Variants in OPN3 observed in about 807,000 individuals in gnomAD.
OPN3 encodes opsin-3.
A neutral mutation model predicts 33.8 loss-of-function variants in OPN3; 29 were observed. The ratio of observed to expected loss-of-function variants is 0.86; its 90% confidence interval spans 0.64 to 1.17. OPN3 has a LOEUF of 1.17. Ranked by LOEUF, OPN3 falls within the 50% of genes most tolerant of loss-of-function variation. OPN3 has a pLI of 0.00. For synonymous variants in OPN3, 216 were observed against 216.1 expected, an observed-to-expected ratio of 1.00 and a Z score of 0.00; for missense variants, 437 against 514.1, an observed-to-expected ratio of 0.85 and a Z score of 1.45.
chr1:241,637,274 A>G (rs1477073419), intron 1 of OPN3, among the ~76,000 whole-genome samples: 1 of 152,214 alleles, frequency 6.6e-6, no homozygotes, highest in Non-Finnish European at 1.5e-5. Flanking sequence ...ATTCAATTGG[A>G]ACTTAGATTA....
intron 1 of OPN3, among the ~76,000 whole-genome samples, chr1:241,619,164 A>G (rs757470525): frequency 2.0e-5 from 3 of 152,140 alleles, no homozygotes; most frequent in Non-Finnish European, 4.4e-5. Context: ...GTTGTTTCAT[A>G]CTGGGCTCTA....
At chr1:241,634,728 A>C (rs769171226) in intron 1 of OPN3, 1 of 1,613,992 alleles carries the variant, frequency 6.2e-7, no homozygotes, top group South Asian at 1.1e-5. Context: ...GATGATTCTG[A>C]TGTCATTGCA....
chr1:241,619,406 T>C (rs1342380398), intron 1 of OPN3, among the ~76,000 whole-genome samples: 1 of 152,210 alleles, frequency 6.6e-6, no homozygotes, highest in Non-Finnish European at 1.5e-5. Flanking sequence ...TTTTCTAGCT[T>C]ATACAGGCAG....
chr1:241,635,706 A>G, intron 1 of OPN3: 1 of 1,614,028 alleles, frequency 6.2e-7, no homozygotes, highest in Non-Finnish European at 8.5e-7. Context: ...GCAAGGATGG[A>G]TTCGGGCAAA....
At chr1:241,622,990 A>G (rs1664309552) in intron 1 of OPN3, among the ~76,000 whole-genome samples, 1 of 152,120 alleles carries the variant, frequency 6.6e-6, no homozygotes, top group Admixed American at 6.5e-5. Context: ...CTGGCAATCA[A>G]AGTACTGGCA....
At chr1:241,625,183 A>G (rs562850967) in intron 1 of OPN3, among the ~76,000 whole-genome samples, 1 of 152,326 alleles carries the variant, frequency 6.6e-6, no homozygotes, top group South Asian at 2.1e-4. Flanking sequence ...GCAATTAAGT[A>G]TTTTCTATAG....
At chr1:241,630,126 G>C (rs1018969567) in intron 1 of OPN3, 1 of 151,956 alleles carries the variant, frequency 6.6e-6, no homozygotes, top group Non-Finnish European at 1.5e-5. Context: ...ATAATTCTGT[G>C]AAGTATTTCT....
At chr1:241,598,490 T>C (rs1663597471) in intron 2 of OPN3, among the ~76,000 whole-genome samples, 1 of 152,200 alleles carries the variant, frequency 6.6e-6, no homozygotes, top group South Asian at 2.1e-4. Flanking sequence ...CCCAAGTGAA[T>C]TCTTACTGAA....
At chr1:241,614,487 C>T (rs574074072) in intron 1 of OPN3, among the ~76,000 whole-genome samples, 2 of 152,282 alleles carry the variant, frequency 1.3e-5, no homozygotes, top group Non-Finnish European at 1.5e-5. Context: ...ATAGGGTACA[C>T]GGGGCAAATA....
At chr1:241,608,778 T>C (rs575210617) in intron 1 of OPN3, among the ~76,000 whole-genome samples, 6 of 152,356 alleles carry the variant, frequency 3.9e-5, no homozygotes, top group African/African-American at 7.2e-5. Flanking sequence ...TCAGCTGTTA[T>C]GTACCATGAC....
In OPN3 at chr1:241,597,839, G is replaced by T; in HGVS notation, c.852C>A (p.His284Gln). 2.0e-5 allele frequency: 32 copies of T among 1,613,830 alleles called. No homozygotes were observed. Among genetic ancestry groups the T allele is most frequent in the Non-Finnish European group, 2.7e-5 (32 of 1,179,948 alleles). ...CAATAGATATTGTTGGAGTGACCAG[G>T]TGACCATGACCATTAACCACCAAGA... ...ICFLVVNGHG[H>Q]LVTPTISIVS... The change falls in exon 3 of 4, where the codon CAC becomes CAA. Residue 284 changes from histidine (H) to glutamine (Q), a missense_variant. By Grantham distance (24) the His-to-Gln change is conservative (BLOSUM62 0). Coordinates refer to ENST00000366554, the MANE Select transcript of OPN3 (RefSeq NM_014322.3).
chr1:241,629,615 C>T (rs1029024669), intron 1 of OPN3: 4 of 152,000 alleles, frequency 2.6e-5, no homozygotes, highest in Admixed American at 2.0e-4. Context: ...ACATTTAAAA[C>T]TTTTTCTCTT....
Position 241,604,302 on chromosome 1 carries a change from G to A in OPN3, c.651C>T (p.Val217=). Residue 217 remains valine, a synonymous_variant, in exon 2 of 4, where the codon GTC becomes GTT. Transcript: ENST00000366554. ...GAATATGGCCATAGCAATGGGCTATGACACCCAGGGGCACCACCAGGCAGC... is the reference window on the plus strand; with the variant it reads ...GAATATGGCCATAGCAATGGGCTATAACACCCAGGGGCACCACCAGGCAGC... ...FLGCLVVPLG[V]IAHCYGHILY... is the part of the protein sequence containing the mutation. The A allele has an allele frequency of 6.2e-7, 1 of 1,614,092 alleles. No individual in the cohort carries two copies. Among genetic ancestry groups the A allele is most frequent in the Non-Finnish European group, 8.5e-7 (1 of 1,179,992 alleles).
chr1:241,639,828 G>A (rs1665046633), intron 1 of OPN3, 54 bp downstream of exon 1: 1 of 1,412,696 alleles, frequency 7.1e-7, no homozygotes, highest in Non-Finnish European at 9.3e-7. Flanking sequence ...CGGGCAGCGG[G>A]GTGGGGAGTG....
intron 2 of OPN3, among the ~76,000 whole-genome samples, chr1:241,602,238 C>T (rs1226678348): frequency 6.6e-6 from 1 of 152,006 alleles, no homozygotes. Flanking sequence ...AGAAAGGCGC[C>T]CTAGAATCGA....
At chr1:241,623,936 CA>C (rs1664335470) in intron 1 of OPN3, among the ~76,000 whole-genome samples, 1 of 152,244 alleles carries the variant, frequency 6.6e-6, no homozygotes, top group Non-Finnish European at 1.5e-5. Context: ...CAAATCTTAG[CA>C]AGCTATTCAA....
chr1:241,632,931 G>C (rs1440480118), intron 1 of OPN3: 3 of 152,030 alleles, frequency 2.0e-5, no homozygotes, highest in Non-Finnish European at 4.4e-5. Context: ...CAGCCCTTCT[G>C]AAGTATCTTC....
chr1:241,613,562 G>A (rs1664050663), intron 1 of OPN3, among the ~76,000 whole-genome samples: 1 of 151,958 alleles, frequency 6.6e-6, no homozygotes, highest in Non-Finnish European at 1.5e-5. Flanking sequence ...TTTGATATCA[G>A]AAGAAGTCAT....
chr1:241,635,431 G>A (rs763746700), intron 1 of OPN3: 14 of 1,613,822 alleles, frequency 8.7e-6, no homozygotes, highest in Middle Eastern at 1.6e-4. Context: ...TCTCTTCAAC[G>A]TTGTCCTCCA....
Sources: allele counts gnomAD v4.1 joint callset (sites outside exome capture counted in the v4.1 genomes callset), GRCh38; gene constraint gnomAD v4.1.1; transcripts MANE v1.5; gene names NCBI Gene and HGNC (gene_info 2026-07-23, HGNC 2026-07-21).